MPRIP: variants seen among roughly 807,000 people sequenced by gnomAD.
MPRIP encodes myosin phosphatase Rho interacting protein, also known as myosin phosphatase Rho-interacting protein.
MPRIP carries 59 observed loss-of-function variants against 234.9 expected under a neutral mutation model. That is an observed-to-expected ratio of 0.25 (90% CI 0.20 to 0.31). MPRIP has a LOEUF of 0.31. MPRIP is among the 10% of genes least tolerant of loss of function. The pLI is 1.00. For synonymous variants in MPRIP, 1,144 were observed against 1,263.9 expected, an observed-to-expected ratio of 0.91 and a Z score of 2.01; for missense variants, 2,436 against 3,071.0, an observed-to-expected ratio of 0.79 and a Z score of 4.89.
rs762299865 is a variant in MPRIP at position 17,158,744 on chromosome 17, C to T, written c.2142C>T (p.Phe714=). The change falls in exon 14 of 24, where the codon TTC becomes TTT. Residue 714 remains phenylalanine (F), a synonymous_variant. Coordinates refer to ENST00000651222, the MANE Select transcript of MPRIP (RefSeq NM_001364716.4). The stretch of plus-strand genomic sequence containing the variant: ...GGCGGGAGGAGCGCCGCAAGCGCTT[C>T]GGGATGCTCGACGCCACAGACGGGC... ...ARRREERRKR[F]GMLDATDGPG... is the part of the protein sequence containing the mutation. The T allele has an allele frequency of 6.8e-6, 11 of 1,611,104 alleles. No individual in the cohort carries two copies. Among genetic ancestry groups the T allele is most frequent in the East Asian group, 4.5e-5 (2 of 44,884 alleles).
intron 23 of MPRIP, among the ~76,000 whole-genome samples, chr17:17,183,636 A>G (rs1011481351): frequency 6.6e-6 from 1 of 152,214 alleles, no homozygotes; most frequent in African/African-American, 2.4e-5. Flanking sequence ...TGTTCTGGGT[A>G]GAGCTGGGTG....
In MPRIP at chr17:17,158,736, A is replaced by G; in HGVS notation, c.2134A>G (p.Lys712Glu). Residue 712 changes from lysine (K) to glutamate (E), a missense_variant, in exon 14 of 24, where the codon AAG becomes GAG. Lys to Glu is a moderately conservative substitution (Grantham distance 56). Transcript: ENST00000651222. The part of the protein sequence containing the change: ...ERARRREERR[K>E]RFGMLDATDG... ...TGCACGGAGGCGGGAGGAGCGCCGC[A>G]AGCGCTTCGGGATGCTCGACGCCAC... 5 of 1,611,018 alleles carry G rather than the reference A, an allele frequency of 3.1e-6. No homozygotes were observed. Among genetic ancestry groups the G allele is most frequent in the Non-Finnish European group, 4.2e-6 (5 of 1,179,752 alleles).
chr17:17,158,305 G>C, intron 13 of MPRIP, 127 bp from the exon 14 acceptor site: 2 of 764,342 alleles, frequency 2.6e-6, no homozygotes, highest in South Asian at 4.1e-5. Flanking sequence ...TAGGAAGCTG[G>C]GATTAGGATA....
intron 13 of MPRIP, among the ~76,000 whole-genome samples, chr17:17,155,452 C>T (rs2045707892): frequency 6.6e-6 from 1 of 152,128 alleles, no homozygotes; most frequent in Non-Finnish European, 1.5e-5. Flanking sequence ...CCTTGTTGGC[C>T]AGGCTGGTCT....
intron 3 of MPRIP, among the ~76,000 whole-genome samples, chr17:17,123,716 AAAAAAAAAG>A (rs1306115446): frequency 6.6e-6 from 1 of 151,072 alleles, no homozygotes; most frequent in African/African-American, 2.4e-5. Flanking sequence ...AAAAAAAAAA[AAAAAAAAAG>A]AAAGAAAAAA....
At chr17:17,139,315 C>T (rs2090766422) in intron 7 of MPRIP, among the ~76,000 whole-genome samples, 2 of 152,234 alleles carry the variant, frequency 1.3e-5, no homozygotes, top group South Asian at 4.1e-4. Context: ...CAGCAGGGTT[C>T]CTCAGCCAGG....
intron 3 of MPRIP, among the ~76,000 whole-genome samples, chr17:17,093,649 A>G (rs1175359402): frequency 3.3e-5 from 5 of 152,222 alleles, no homozygotes; most frequent in African/African-American, 4.8e-5. Context: ...AAAATAGTGT[A>G]TGTACAGTAG....
At chr17:17,099,844 A>G (rs1171397687) in intron 3 of MPRIP, among the ~76,000 whole-genome samples, 2 of 152,256 alleles carry the variant, frequency 1.3e-5, no homozygotes, top group African/African-American at 2.4e-5. Context: ...TGCTGTCCCA[A>G]GTGTTTTTCC....
At chr17:17,109,154 A>G (rs927968521) in intron 3 of MPRIP, among the ~76,000 whole-genome samples, 3 of 152,230 alleles carry the variant, frequency 2.0e-5, no homozygotes, top group African/African-American at 7.2e-5. Flanking sequence ...TGCTGAAGGT[A>G]TAAAATATTC....
chr17:17,123,045 T>G (rs546377593), intron 3 of MPRIP, among the ~76,000 whole-genome samples: 9 of 152,346 alleles, frequency 5.9e-5, no homozygotes, highest in African/African-American at 1.9e-4. Flanking sequence ...GTAAAAAGTA[T>G]TGAAAGACTG....
At chr17:17,104,892 T>C (rs952903336) in intron 3 of MPRIP, among the ~76,000 whole-genome samples, 1 of 152,150 alleles carries the variant, frequency 6.6e-6, no homozygotes, top group African/African-American at 2.4e-5. Flanking sequence ...GGGCCCAGTG[T>C]GGGCACTTGT....
intron 8 of MPRIP, 113 bp from the exon 9 acceptor site, chr17:17,143,443 C>G: frequency 3.2e-6 from 2 of 620,910 alleles, no homozygotes; most frequent in Middle Eastern, 2.6e-4. Context: ...ATCACTGCCC[C>G]TCGCCAGGAG....
At chr17:17,146,182 G>A (rs1370370548) in intron 10 of MPRIP, 90 bp downstream of exon 10, 2 of 1,185,500 alleles carry the variant, frequency 1.7e-6, no homozygotes, top group Non-Finnish European at 2.5e-6. Context: ...TGCAAGTGCT[G>A]GCTCCATGCC....
chr17:17,097,511 T>G (rs963550557), intron 3 of MPRIP, among the ~76,000 whole-genome samples: 3 of 152,150 alleles, frequency 2.0e-5, no homozygotes, highest in Admixed American at 6.5e-5. Context: ...ACAAAACAAA[T>G]TCTATCTCAC....
Position 17,075,806 on chromosome 17 carries a change from A to C in MPRIP, c.201+19A>C. ...GTCTCGGGTAAGGGCATCAGAGCCA[A>C]CTCTCAGGGAGGAACCAGAGAAGGG... On this transcript the variant is annotated intron_variant, in intron 2 of 23. Transcript: ENST00000651222. 1 of 1,613,050 alleles carries C rather than the reference A, an allele frequency of 6.2e-7. No individual in the cohort carries two copies. Among genetic ancestry groups the C allele is most frequent in the Non-Finnish European group, 8.5e-7 (1 of 1,179,120 alleles).
intron 13 of MPRIP, among the ~76,000 whole-genome samples, chr17:17,157,809 CAA>C (rs1377296770): frequency 1.6e-4 from 23 of 147,514 alleles, no homozygotes; most frequent in African/African-American, 5.5e-4. Flanking sequence ...GCCTGGGTAA[CAA>C]GAGTGAAACT....
intron 1 of MPRIP, 122 bp downstream of exon 1, chr17:17,043,093 A>C (rs1049847588): frequency 2.1e-6 from 2 of 950,146 alleles, no homozygotes; most frequent in Non-Finnish European, 3.2e-6. Flanking sequence ...GTCCTGGGGC[A>C]TGGGGACGGG....
chr17:17,050,998 C>T (rs1298952391), intron 1 of MPRIP, among the ~76,000 whole-genome samples: 1 of 152,248 alleles, frequency 6.6e-6, no homozygotes, highest in Non-Finnish European at 1.5e-5. Flanking sequence ...TAGTCCAAGG[C>T]CTATGTTCTC....
chr17:17,086,082 A>G (rs1234638710), intron 3 of MPRIP, among the ~76,000 whole-genome samples: 1 of 152,200 alleles, frequency 6.6e-6, no homozygotes, highest in Non-Finnish European at 1.5e-5. Context: ...AAGATTTCCC[A>G]AAGTAGTCAA....
Sources: gnomAD v4.1 joint callset for allele counts (sites outside exome capture counted in the v4.1 genomes callset) on GRCh38, gnomAD v4.1.1 for gene constraint, MANE v1.5 for transcripts, NCBI Gene and HGNC (gene_info 2026-07-23, HGNC 2026-07-21) for gene names.